SLC9A9: variants seen among roughly 807,000 people sequenced by gnomAD.
SLC9A9 encodes the protein sodium/hydrogen exchanger 9.
In SLC9A9, 62 loss-of-function variants were observed where a neutral mutation model predicts 77.8. The ratio of observed to expected loss-of-function variants is 0.80; its 90% CI spans 0.65 to 0.98. The LOEUF (loss-of-function observed/expected upper bound fraction) is 0.98, where lower values mean the gene tolerates loss of function less well. Among genes scored for constraint, SLC9A9 ranks in the 50% least tolerant of loss-of-function variants. SLC9A9 has a pLI of 0.00. For synonymous variants in SLC9A9, 320 were observed against 283.5 expected (o/e 1.13, Z -1.29); for missense variants, 775 against 774.9 (o/e 1.00, Z 0.00).
chr3:143,835,924 T>C (rs148984992), intron 1 of SLC9A9, among the ~76,000 whole-genome samples: 40 of 152,308 alleles, frequency 2.6e-4, no homozygotes, highest in Non-Finnish European at 4.9e-4. Context: ...CCCTGGCCAG[T>C]TGGCAGCATC....
chr3:143,472,728 T>C (rs1236039087), intron 11 of SLC9A9, among the ~76,000 whole-genome samples: 4 of 152,236 alleles, frequency 2.6e-5, no homozygotes, highest in African/African-American at 7.2e-5. Context: ...AACAAATCAA[T>C]GAATGGATGA....
At chr3:143,624,669 G>A (rs544146976) in intron 6 of SLC9A9, among the ~76,000 whole-genome samples, 2 of 152,194 alleles carry the variant, frequency 1.3e-5, no homozygotes, top group Non-Finnish European at 2.9e-5. Flanking sequence ...ATACTGAATC[G>A]GCAAAAACTG....
chr3:143,572,975 T>C (rs558251096), intron 8 of SLC9A9, among the ~76,000 whole-genome samples: 4 of 152,254 alleles, frequency 2.6e-5, no homozygotes, highest in Non-Finnish European at 4.4e-5. Context: ...TCATTTGAGG[T>C]AGAAATGCGT....
chr3:143,769,826 T>G (rs1328325298), intron 4 of SLC9A9, among the ~76,000 whole-genome samples: 5 of 152,136 alleles, frequency 3.3e-5, no homozygotes, highest in Non-Finnish European at 7.4e-5. Context: ...TGGATGATGT[T>G]TACATGCAGA....
chr3:143,452,149 T>C (rs1300159691), intron 12 of SLC9A9, among the ~76,000 whole-genome samples: 1 of 152,086 alleles, frequency 6.6e-6, no homozygotes, highest in East Asian at 1.9e-4. Context: ...TATACTGTCC[T>C]TAAGTATCCT....
chr3:143,729,692 C>T (rs1360465727), intron 4 of SLC9A9, among the ~76,000 whole-genome samples: 3 of 152,180 alleles, frequency 2.0e-5, no homozygotes, highest in Non-Finnish European at 4.4e-5. Flanking sequence ...TACACTCACT[C>T]CTCTGCCCCA....
intron 13 of SLC9A9, among the ~76,000 whole-genome samples, chr3:143,373,605 TA>T (rs67376157): frequency 0.013 from 780 of 58,622 alleles, 1 homozygote; most frequent in African/African-American, 0.028. Context: ...ACTGAAATAG[TA>T]AAAAAAAAAA....
chr3:143,548,964 T>C (rs1176277904), intron 9 of SLC9A9, among the ~76,000 whole-genome samples: 1 of 152,144 alleles, frequency 6.6e-6, no homozygotes, highest in Non-Finnish European at 1.5e-5. Flanking sequence ...TTTCCCTGAG[T>C]TTACTAATTG....
In SLC9A9 at chr3:143,798,114, C is replaced by T. The variant is rs185874776; in HGVS notation, c.379-1211G>A. 6.0e-3 allele frequency among the ~76,000 whole-genome samples: 921 copies of T among 152,318 alleles called. 5 individuals carry two copies. The highest frequency in any genetic ancestry group is 0.014 in the Middle Eastern group (4 of 294). On this transcript the variant is annotated intron_variant, in intron 2 of 15. Coordinates refer to ENST00000316549, the MANE Select transcript of SLC9A9 (RefSeq NM_173653.4). ...AAGCGGACTCTCTTTACTCTCTTCTCCAGCCTCTCTCCCTATCCCTCAACC... is the reference window on the plus strand; with the variant it reads ...AAGCGGACTCTCTTTACTCTCTTCTTCAGCCTCTCTCCCTATCCCTCAACC...
intron 13 of SLC9A9, among the ~76,000 whole-genome samples, chr3:143,365,142 T>A (rs2032862657): frequency 6.6e-6 from 1 of 152,194 alleles, no homozygotes; most frequent in Non-Finnish European, 1.5e-5. Context: ...TGGATGGAGC[T>A]GGAGGCTATT....
chr3:143,650,683 G>A (rs1371224755), intron 6 of SLC9A9, among the ~76,000 whole-genome samples: 4 of 152,232 alleles, frequency 2.6e-5, no homozygotes, highest in Admixed American at 2.6e-4. Context: ...AGGAGCACAA[G>A]ATTTCAGCTA....
chr3:143,278,671 T>C (rs1271309384), intron 14 of SLC9A9, among the ~76,000 whole-genome samples: 1 of 150,620 alleles, frequency 6.6e-6, no homozygotes. Flanking sequence ...GATGTCAGCT[T>C]AGGGGCCCGC....
At chr3:143,610,318 T>C (rs1436289122) in intron 6 of SLC9A9, among the ~76,000 whole-genome samples, 1 of 152,090 alleles carries the variant, frequency 6.6e-6, no homozygotes, top group Non-Finnish European at 1.5e-5. Flanking sequence ...AGTTAATTTT[T>C]TAATTTGCAG....
intron 12 of SLC9A9, among the ~76,000 whole-genome samples, chr3:143,447,578 C>G (rs915797240): frequency 2.6e-5 from 4 of 152,122 alleles, no homozygotes; most frequent in African/African-American, 9.7e-5. Context: ...TAACTTCCTA[C>G]TAAAATCCAT....
At chr3:143,563,343 A>C (rs1204268919) in intron 8 of SLC9A9, among the ~76,000 whole-genome samples, 3 of 152,200 alleles carry the variant, frequency 2.0e-5, no homozygotes, top group African/African-American at 4.8e-5. Context: ...CCCCCTCAGA[A>C]AGCATTAGTG....
chr3:143,345,605 T>C (rs1234369403), intron 14 of SLC9A9, among the ~76,000 whole-genome samples: 4 of 152,066 alleles, frequency 2.6e-5, no homozygotes, highest in African/African-American at 9.7e-5. Context: ...AGGATAAAAA[T>C]GATGAGAGAG....
intron 12 of SLC9A9, among the ~76,000 whole-genome samples, chr3:143,394,404 T>C (rs1034420736): frequency 6.6e-6 from 1 of 152,040 alleles, no homozygotes; most frequent in Admixed American, 6.6e-5. Flanking sequence ...ATTCAACAAC[T>C]CTTCATGCTA....
chr3:143,268,782 G>A (rs1937809451), intron 15 of SLC9A9, 93 bp downstream of exon 15: 11 of 694,566 alleles, frequency 1.6e-5, no homozygotes, highest in South Asian at 1.1e-4. Context: ...CCTGCAAGTA[G>A]CAGGCTTTTT....
chr3:143,609,675 G>A (rs1039370111), intron 6 of SLC9A9, among the ~76,000 whole-genome samples: 13 of 151,996 alleles, frequency 8.6e-5, no homozygotes, highest in Non-Finnish European at 1.0e-4. Flanking sequence ...GATTAGCAAA[G>A]TTACACCCTT....
Sources: allele counts gnomAD v4.1 joint callset (sites outside exome capture counted in the v4.1 genomes callset), GRCh38; gene constraint gnomAD v4.1.1; transcripts MANE v1.5; gene names NCBI Gene and HGNC (gene_info 2026-07-23, HGNC 2026-07-21).